The following CPQ variants were observed in gnomAD, a reference collection of about 807,000 sequenced individuals.
The protein encoded by CPQ is carboxypeptidase Q.
A neutral mutation model predicts 45.7 loss-of-function variants in CPQ; 37 were observed. The ratio of observed to expected loss-of-function variants is 0.81; its 90% CI spans 0.62 to 1.07. The LOEUF (loss-of-function observed/expected upper bound fraction) is 1.07. CPQ is among the 50% of genes least tolerant of loss of function. CPQ has a pLI of 0.00. For missense variants in CPQ, 537 were observed against 572.9 expected (o/e 0.94, Z 0.64); for synonymous variants, 186 against 205.8 (o/e 0.90, Z 0.82).
intron 1 of CPQ, among the ~76,000 whole-genome samples, chr8:96,781,504 T>G (rs2130806130): frequency 6.6e-6 from 1 of 152,300 alleles, no homozygotes; most frequent in South Asian, 2.1e-4. Flanking sequence ...CATCATGATC[T>G]AAACATCTCT....
intron 4 of CPQ, among the ~76,000 whole-genome samples, chr8:96,938,913 A>G (rs965223218): frequency 2.1e-4 from 32 of 152,326 alleles, no homozygotes; most frequent in African/African-American, 7.5e-4. Flanking sequence ...ATTGTGCTGT[A>G]GTACGATTCT....
intron 1 of CPQ, among the ~76,000 whole-genome samples, chr8:96,665,607 A>G (rs145145354): frequency 8.7e-4 from 133 of 152,342 alleles, no homozygotes; most frequent in African/African-American, 3.2e-3. Flanking sequence ...CCAAGATGGG[A>G]TTAAACCAAA....
In CPQ at chr8:96,810,168, T is replaced by C. The variant is rs374312459; in HGVS notation, c.434-24805T>C. Among the ~76,000 whole-genome samples, 11 of 152,172 alleles carry C rather than the reference T, an allele frequency of 7.2e-5. 1 individual carries two copies. Among genetic ancestry groups the C allele is most frequent in the Admixed American group, 5.2e-4 (8 of 15,262 alleles). On this transcript the variant is annotated intron_variant, in intron 2 of 7. Coordinates refer to ENST00000220763, the MANE Select transcript of CPQ (RefSeq NM_016134.4). ...CTGGTTTCTCCCCATCCCTTTCACA[T>C]TGGGGCTCATTTGGGTATCCCTGGC...
chr8:97,014,976 A>AGTT (rs1389038136), intron 5 of CPQ, among the ~76,000 whole-genome samples: 1 of 152,176 alleles, frequency 6.6e-6, no homozygotes, highest in Non-Finnish European at 1.5e-5. Flanking sequence ...TTCTCATCTC[A>AGTT]GTTGCTTGTT....
At chr8:97,033,053 GGGAGAGAA>G (rs1809935941) in intron 6 of CPQ, among the ~76,000 whole-genome samples, 1 of 152,076 alleles carries the variant, frequency 6.6e-6, no homozygotes, top group East Asian at 1.9e-4. Flanking sequence ...TGATCAAGAG[GGGAGAGAA>G]GGGACAGCAG....
chr8:96,992,065 G>A (rs1456175960), intron 5 of CPQ, among the ~76,000 whole-genome samples: 4 of 152,188 alleles, frequency 2.6e-5, no homozygotes, highest in East Asian at 1.9e-4. Flanking sequence ...CTTGATGGGT[G>A]TGTGGCAGCA....
At chr8:96,891,154 T>C (rs1184878249) in intron 4 of CPQ, among the ~76,000 whole-genome samples, 1 of 152,176 alleles carries the variant, frequency 6.6e-6, no homozygotes, top group African/African-American at 2.4e-5. Flanking sequence ...AGAGTGAGTG[T>C]CTTGGTCAGA....
intron 7 of CPQ, among the ~76,000 whole-genome samples, chr8:97,099,065 A>T (rs1322112064): frequency 6.9e-6 from 1 of 145,038 alleles, no homozygotes; most frequent in Admixed American, 6.9e-5. Context: ...AAGATGCTAA[A>T]TTTTCCAAGA....
intron 5 of CPQ, among the ~76,000 whole-genome samples, chr8:96,976,442 A>G (rs1340285117): frequency 6.6e-6 from 1 of 152,000 alleles, no homozygotes; most frequent in Admixed American, 6.6e-5. Flanking sequence ...CAATCTACAA[A>G]TTCATTGCAA....
chr8:97,079,833 G>T (rs2130549418), intron 7 of CPQ, among the ~76,000 whole-genome samples: 1 of 152,236 alleles, frequency 6.6e-6, no homozygotes, highest in Middle Eastern at 3.4e-3. Flanking sequence ...GAAAATGTGA[G>T]GGGTATTTAA....
intron 5 of CPQ, among the ~76,000 whole-genome samples, chr8:97,017,577 G>A (rs1809603257): frequency 1.3e-5 from 2 of 152,168 alleles, no homozygotes; most frequent in Admixed American, 6.5e-5. Flanking sequence ...GGGGCACAGT[G>A]AGAGTGAGAT....
intron 3 of CPQ, among the ~76,000 whole-genome samples, chr8:96,841,279 C>T (rs1409180532): frequency 6.6e-6 from 1 of 152,178 alleles, no homozygotes; most frequent in Non-Finnish European, 1.5e-5. Context: ...ATTTCCATTT[C>T]TCTGTTGTCC....
intron 1 of CPQ, among the ~76,000 whole-genome samples, chr8:96,688,884 T>TC (rs143450512): frequency 3.9e-4 from 59 of 152,294 alleles, no homozygotes; most frequent in African/African-American, 1.4e-3. Flanking sequence ...AGTAGGATAG[T>TC]TCTAGTATCT....
At chr8:96,927,571 C>A (rs1812908748) in intron 4 of CPQ, among the ~76,000 whole-genome samples, 1 of 152,114 alleles carries the variant, frequency 6.6e-6, no homozygotes, top group South Asian at 2.1e-4. Context: ...ATGATACCTC[C>A]CACAGTCATT....
At chr8:96,893,748 G>T (rs1267812759) in intron 4 of CPQ, among the ~76,000 whole-genome samples, 1 of 152,092 alleles carries the variant, frequency 6.6e-6, no homozygotes, top group Non-Finnish European at 1.5e-5. Flanking sequence ...TAAAATAAAT[G>T]CTTTAAGGAT....
intron 4 of CPQ, among the ~76,000 whole-genome samples, chr8:96,915,234 T>A (rs1217343959): frequency 1.3e-5 from 2 of 152,140 alleles, no homozygotes; most frequent in Non-Finnish European, 2.9e-5. Context: ...TGGGAAGATT[T>A]TTTTTCCGTG....
intron 4 of CPQ, among the ~76,000 whole-genome samples, chr8:96,932,109 A>G (rs1812982587): frequency 6.6e-6 from 1 of 152,192 alleles, no homozygotes; most frequent in Non-Finnish European, 1.5e-5. Flanking sequence ...CAGCATGTAT[A>G]TATTCACTAC....
chr8:97,040,887 C>T (rs1810108978), intron 6 of CPQ, among the ~76,000 whole-genome samples: 1 of 152,120 alleles, frequency 6.6e-6, no homozygotes, highest in African/African-American at 2.4e-5. Flanking sequence ...GTTACTGTAG[C>T]CTTGTAGTAT....
At chr8:97,087,385 A>T (rs181308586) in intron 7 of CPQ, among the ~76,000 whole-genome samples, 1 of 151,150 alleles carries the variant, frequency 6.6e-6, no homozygotes, top group African/African-American at 2.5e-5. Context: ...CGCCCAGTAT[A>T]CTTCTCCCAG....
Sources: allele counts gnomAD v4.1 joint callset (sites outside exome capture counted in the v4.1 genomes callset), GRCh38; gene constraint gnomAD v4.1.1; transcripts MANE v1.5; gene names NCBI Gene and HGNC (gene_info 2026-07-23, HGNC 2026-07-21).